The following FGF14 variants were observed in gnomAD, a reference collection of about 807,000 sequenced individuals.
FGF14 encodes fibroblast growth factor homologous factor 4.
A neutral mutation model predicts 25.5 loss-of-function variants in FGF14; 5 were observed. That is an observed-to-expected ratio of 0.20 (90% CI 0.10 to 0.41). FGF14 has a LOEUF of 0.41. FGF14 is among the 10% of genes least tolerant of loss of function. FGF14 has a pLI of 1.00. For synonymous variants in FGF14, 138 were observed against 118.3 expected (o/e 1.17, Z -1.08); for missense variants, 222 against 320.1 (o/e 0.69, Z 2.34).
chr13:102,274,367 C>T (rs2053403320), intron 1 of FGF14, among the ~76,000 whole-genome samples: 1 of 152,098 alleles, frequency 6.6e-6, no homozygotes, highest in South Asian at 2.1e-4. Context: ...GTATCTGTGG[C>T]AACATTGTAC....
chr13:102,010,085 T>C (rs1393017790), intron 1 of FGF14, among the ~76,000 whole-genome samples: 1 of 152,184 alleles, frequency 6.6e-6, no homozygotes, highest in Non-Finnish European at 1.5e-5. Context: ...AAGAAGATGG[T>C]ACTGCTGCTA....
intron 3 of FGF14, among the ~76,000 whole-genome samples, chr13:101,818,727 C>G (rs2041965324): frequency 6.6e-6 from 1 of 152,118 alleles, no homozygotes; most frequent in African/African-American, 2.4e-5. Flanking sequence ...TATAAGCTTT[C>G]AGAGAGTAAC....
chr13:101,899,595 G>C (rs1046497468), intron 1 of FGF14, among the ~76,000 whole-genome samples: 1 of 152,060 alleles, frequency 6.6e-6, no homozygotes, highest in Admixed American at 6.5e-5. Flanking sequence ...CTAAAAAAGG[G>C]AGTAAAAACA....
intron 1 of FGF14, among the ~76,000 whole-genome samples, chr13:101,885,066 A>C (rs1267633290): frequency 6.6e-6 from 1 of 152,184 alleles, no homozygotes; most frequent in African/African-American, 2.4e-5. Flanking sequence ...CAAAAGTTTA[A>C]AAACATGGAA....
At chr13:102,046,554 T>C (rs995408711) in intron 1 of FGF14, among the ~76,000 whole-genome samples, 1 of 152,150 alleles carries the variant, frequency 6.6e-6, no homozygotes. Flanking sequence ...AAATCTTTAT[T>C]TGACAATTTA....
intron 1 of FGF14, among the ~76,000 whole-genome samples, chr13:101,913,041 A>G (rs1372784026): frequency 1.3e-5 from 2 of 152,216 alleles, no homozygotes; most frequent in Admixed American, 6.5e-5. Flanking sequence ...ATGAAATACC[A>G]CAGGAGAATT....
chr13:101,757,972 C>T (rs2037769370), intron 3 of FGF14, among the ~76,000 whole-genome samples: 1 of 152,132 alleles, frequency 6.6e-6, no homozygotes, highest in Admixed American at 6.6e-5. Context: ...TTAAGTATCA[C>T]AATTTTAGAA....
chr13:101,878,850 A>G (rs1015996722), intron 1 of FGF14, among the ~76,000 whole-genome samples: 1 of 152,064 alleles, frequency 6.6e-6, no homozygotes, highest in African/African-American at 2.4e-5. Context: ...ATATGTAAAA[A>G]TACATGTAAT....
At chr13:102,084,503 C>T (rs1256122427) in intron 1 of FGF14, among the ~76,000 whole-genome samples, 1 of 152,050 alleles carries the variant, frequency 6.6e-6, no homozygotes, top group Admixed American at 6.5e-5. Context: ...AATAGAGATT[C>T]AGGGAGAAAC....
intron 1 of FGF14, chr13:102,300,150 A>C (rs2054953615): frequency 6.6e-6 from 1 of 152,162 alleles, no homozygotes; most frequent in South Asian, 2.1e-4. Flanking sequence ...CAAAGCCTAG[A>C]ATCAACTATA....
chr13:102,343,850 G>A (rs1483915856), intron 1 of FGF14, among the ~76,000 whole-genome samples: 4 of 152,092 alleles, frequency 2.6e-5, no homozygotes, highest in Non-Finnish European at 5.9e-5. Flanking sequence ...TTTTTCAAGC[G>A]GCTGTTATGA....
At chr13:101,945,536 G>A (rs1055996202) in intron 1 of FGF14, among the ~76,000 whole-genome samples, 4 of 152,152 alleles carry the variant, frequency 2.6e-5, no homozygotes, top group African/African-American at 9.7e-5. Flanking sequence ...GGTGGACCGT[G>A]GCAAGAGGCT....
intron 1 of FGF14, among the ~76,000 whole-genome samples, chr13:101,960,427 C>A (rs1229549833): frequency 6.6e-6 from 1 of 152,166 alleles, no homozygotes; most frequent in Admixed American, 6.6e-5. Context: ...TCTCATTGTT[C>A]AGCACCCACT....
At chr13:102,033,840 A>G (rs1319354565) in intron 1 of FGF14, among the ~76,000 whole-genome samples, 1 of 152,122 alleles carries the variant, frequency 6.6e-6, no homozygotes, top group Admixed American at 6.6e-5. Context: ...TGCACTTGAA[A>G]CCAAGACTCC....
At chr13:102,041,596 AG>A (rs1449216710) in intron 1 of FGF14, among the ~76,000 whole-genome samples, 10 of 140,322 alleles carry the variant, frequency 7.1e-5, no homozygotes, top group East Asian at 4.1e-4. Context: ...AAAAAAAAAA[AG>A]AGAGATTTTA....
chr13:102,052,056 A>C (rs1235697166), intron 1 of FGF14, among the ~76,000 whole-genome samples: 1 of 152,338 alleles, frequency 6.6e-6, no homozygotes, highest in Admixed American at 6.5e-5. Flanking sequence ...TAACAGATTA[A>C]AATTATTTTA....
chr13:102,255,486 A>G (rs1001995791), intron 1 of FGF14, among the ~76,000 whole-genome samples: 11 of 152,256 alleles, frequency 7.2e-5, no homozygotes, highest in African/African-American at 2.4e-4. Context: ...GGAATAAATA[A>G]GATTTATAAA....
At chr13:101,904,183 T>C (rs1012519066) in intron 1 of FGF14, among the ~76,000 whole-genome samples, 5 of 152,196 alleles carry the variant, frequency 3.3e-5, no homozygotes, top group African/African-American at 7.2e-5. Flanking sequence ...TCCAGCCAGT[T>C]TGTGGGAGCA....
rs150300667 is a variant in FGF14 at position 101,947,269 on chromosome 13, C to T, written c.209-71973G>A. Reference sequence around the variant, plus strand: ...TTAGTTCAGCCACTGTGGAAAGCAGCTTGGCGATTTCTCTAAGAACTTAAA... The same window carrying T: ...TTAGTTCAGCCACTGTGGAAAGCAGTTTGGCGATTTCTCTAAGAACTTAAA... On this transcript the variant is annotated intron_variant, in intron 1 of 4. Transcript: ENST00000376131. Among the ~76,000 whole-genome samples, 116 of 152,266 alleles carry T rather than the reference C, an allele frequency of 7.6e-4. 3 individuals are homozygous for T. In the East Asian group the frequency reaches 0.019, roughly 25 times the overall value.
Sources: allele counts gnomAD v4.1 joint callset (sites outside exome capture counted in the v4.1 genomes callset), GRCh38; gene constraint gnomAD v4.1.1; transcripts MANE v1.5; gene names NCBI Gene and HGNC (gene_info 2026-07-23, HGNC 2026-07-21).